Variants in AMPH observed in about 807,000 individuals in gnomAD.
AMPH encodes amphiphysin (Stiff-Mann syndrome with breast cancer 128kD autoantigen).
Under a neutral mutation model 99.1 loss-of-function variants are expected in AMPH, and 49 were observed. The observed-to-expected ratio is 0.49, with a 90% CI of 0.39 to 0.63. The LOEUF (loss-of-function observed/expected upper bound fraction) is 0.63, where lower values mean the gene tolerates loss of function less well. Among genes scored for constraint, AMPH ranks in the 20% least tolerant of loss-of-function variants. The probability of loss-of-function intolerance (pLI) is 0.00; values close to 1 mark genes in which losing one functional copy is unlikely to be tolerated. For missense variants in AMPH, 759 were observed against 863.4 expected (o/e 0.88, Z 1.52); for synonymous variants, 314 against 317.3 (o/e 0.99, Z 0.11).
At chr7:38,474,324 A>T (rs13238353) in intron 7 of AMPH, among the ~76,000 whole-genome samples, 2 of 152,006 alleles carry the variant, frequency 1.3e-5, no homozygotes, top group Non-Finnish European at 2.9e-5. Context: ...GAGTAAATTC[A>T]GATGAACAAT....
chr7:38,612,269 A>T (rs10249633), intron 1 of AMPH, among the ~76,000 whole-genome samples: 121,369 of 151,440 alleles, frequency 0.8, 49,708 homozygotes, highest in African/African-American at 0.87. Context: ...ACAGACGGGG[A>T]TTTTCCATGT....
intron 4 of AMPH, among the ~76,000 whole-genome samples, chr7:38,494,022 T>C (rs981225320): frequency 3.3e-5 from 5 of 152,198 alleles, no homozygotes; most frequent in African/African-American, 1.2e-4. Context: ...AGTGGTGCGA[T>C]CTTGGCTCAC....
chr7:38,504,296 GC>G (rs371021161), intron 2 of AMPH, among the ~76,000 whole-genome samples: 12 of 152,222 alleles, frequency 7.9e-5, no homozygotes, highest in African/African-American at 2.6e-4. Context: ...TATGTAGTTT[GC>G]ATTATATTTT....
chr7:38,541,784 G>C (rs557550385), intron 1 of AMPH, among the ~76,000 whole-genome samples: 2 of 152,110 alleles, frequency 1.3e-5, no homozygotes, highest in Admixed American at 6.5e-5. Context: ...ATCCTAAGTG[G>C]GACAGAGGCA....
intron 1 of AMPH, among the ~76,000 whole-genome samples, chr7:38,584,899 A>C (rs1461526283): frequency 1.3e-5 from 2 of 152,244 alleles, no homozygotes; most frequent in African/African-American, 4.8e-5. Context: ...TATTTCAAAT[A>C]GCCATCAGGT....
chr7:38,609,128 A>C (rs1241147888), intron 1 of AMPH, among the ~76,000 whole-genome samples: 1 of 152,162 alleles, frequency 6.6e-6, no homozygotes, highest in African/African-American at 2.4e-5. Context: ...GGGAGGGGCC[A>C]GTTGCTGAAA....
chr7:38,619,176 C>A (rs1359675132), intron 1 of AMPH, among the ~76,000 whole-genome samples: 1 of 151,926 alleles, frequency 6.6e-6, no homozygotes, highest in Non-Finnish European at 1.5e-5. Flanking sequence ...AGTGACAGAG[C>A]AAGACCCTGT....
At chr7:38,388,816 A>G (rs1283990198) in intron 20 of AMPH, among the ~76,000 whole-genome samples, 1 of 151,808 alleles carries the variant, frequency 6.6e-6, no homozygotes, top group South Asian at 2.1e-4. Flanking sequence ...ATTAAAAAAA[A>G]AATTTTTTGT....
At position 38,473,689 on chromosome 7, in the gene AMPH, C is replaced by T. The variant is rs1304091433; in HGVS notation, c.590+1642G>A. On this transcript the variant is annotated intron_variant, in intron 7 of 20. Transcript: ENST00000356264. ...ACTGCAGTCCGCAGTCCGACCTGGG[C>T]GACAGAGCGAGACTCCGTCTCAAAA... 9.6e-5 allele frequency among the ~76,000 whole-genome samples: 4 copies of T among 41,740 alleles called. 1 individual carries two copies. The highest frequency in any genetic ancestry group is 1.3e-3 in the South Asian group (1 of 762). 27.4% of individuals were successfully genotyped at this position (41,740 alleles called of 152,430 possible).
At chr7:38,437,808 C>A (rs940410648) in intron 11 of AMPH, among the ~76,000 whole-genome samples, 18 of 151,092 alleles carry the variant, frequency 1.2e-4, no homozygotes, top group Middle Eastern at 3.4e-3. Context: ...CATTCCCCCC[C>A]AAAAATAAAA....
chr7:38,467,193 C>A (rs181014212), intron 7 of AMPH, among the ~76,000 whole-genome samples: 1 of 152,308 alleles, frequency 6.6e-6, no homozygotes, highest in East Asian at 1.9e-4. Flanking sequence ...GCAGATGGTT[C>A]TCTGGGGCAG....
Position 38,389,897 on chromosome 7 carries a change from T to G in AMPH, c.1887A>C (p.Thr629=). 1 of 1,610,974 alleles carries G rather than the reference T, an allele frequency of 6.2e-7. No homozygotes were observed. The highest frequency in any genetic ancestry group is 8.5e-7 in the Non-Finnish European group (1 of 1,177,752). The change falls in exon 20 of 21, where the codon ACA becomes ACC. Residue 629 remains threonine (T), a synonymous_variant. Coordinates refer to ENST00000356264, the MANE Select transcript of AMPH (RefSeq NM_001635.4). The stretch of plus-strand genomic sequence containing the variant: ...AATTTGCTGCCTCAAAATCATGCAG[T>G]GTTTCCACCTGCAGAAGATAAGAAT... The part of the protein sequence containing the change: ...LPPGFLYKVE[T]LHDFEAANSD...
At chr7:38,529,972 T>G (rs1342991000) in intron 2 of AMPH, among the ~76,000 whole-genome samples, 1 of 152,234 alleles carries the variant, frequency 6.6e-6, no homozygotes, top group Admixed American at 6.5e-5. Context: ...AAAATTTTTC[T>G]CTTTAGTCAT....
chr7:38,586,936 C>T (rs570114601), intron 1 of AMPH, among the ~76,000 whole-genome samples: 9 of 152,072 alleles, frequency 5.9e-5, no homozygotes, highest in East Asian at 1.9e-4. Context: ...GTCCTAACTT[C>T]GAAGTCTGCA....
At chr7:38,604,625 AC>A (rs1262269037) in intron 1 of AMPH, among the ~76,000 whole-genome samples, 1 of 151,952 alleles carries the variant, frequency 6.6e-6, no homozygotes, top group Admixed American at 6.6e-5. Flanking sequence ...CTCAATAACT[AC>A]CTCCTAAGGT....
chr7:38,409,521 C>T (rs1407430046), intron 17 of AMPH, among the ~76,000 whole-genome samples: 1 of 152,180 alleles, frequency 6.6e-6, no homozygotes, highest in Non-Finnish European at 1.5e-5. Context: ...CCCCCGGTCC[C>T]TAGTAGCGTT....
chr7:38,508,929 T>C (rs1002829005), intron 2 of AMPH, among the ~76,000 whole-genome samples: 1 of 152,188 alleles, frequency 6.6e-6, no homozygotes, highest in African/African-American at 2.4e-5. Context: ...ACTAATAACA[T>C]AATATTTGAA....
intron 11 of AMPH, among the ~76,000 whole-genome samples, chr7:38,453,434 T>C (rs767853142): frequency 3.9e-5 from 6 of 152,196 alleles, no homozygotes; most frequent in Non-Finnish European, 8.8e-5. Context: ...TGCTTCTGTT[T>C]GGAAAGGCAC....
At chr7:38,447,042 G>C (rs1394787740) in intron 11 of AMPH, among the ~76,000 whole-genome samples, 1 of 150,246 alleles carries the variant, frequency 6.7e-6, no homozygotes, top group Non-Finnish European at 1.5e-5. Context: ...TGTTTGAGAC[G>C]GAGTTTCACT....
Sources: allele counts gnomAD v4.1 joint callset (sites outside exome capture counted in the v4.1 genomes callset), GRCh38; gene constraint gnomAD v4.1.1; transcripts MANE v1.5; gene names NCBI Gene and HGNC (gene_info 2026-07-23, HGNC 2026-07-21).